Variants in PCDHGA7 observed in about 807,000 individuals in gnomAD.
The protein encoded by PCDHGA7 is protocadherin gamma subfamily A, 7, also known as protocadherin gamma-A7.
A neutral mutation model predicts 58.3 loss-of-function variants in PCDHGA7; 44 were observed. That is an observed-to-expected ratio of 0.75 (90% CI 0.59 to 0.97). The LOEUF is 0.97. Among genes scored for constraint, PCDHGA7 ranks in the 50% least tolerant of loss-of-function variants. PCDHGA7 has a pLI of 0.00. For missense variants in PCDHGA7, 1,266 were observed against 1,188.7 expected (o/e 1.06, Z -0.96); for synonymous variants, 516 against 504.2 (o/e 1.02, Z -0.31).
intron 1 of PCDHGA7, among the ~76,000 whole-genome samples, chr5:141,473,431 G>T (rs541546681): frequency 3.3e-5 from 5 of 152,148 alleles, no homozygotes; most frequent in Non-Finnish European, 7.3e-5. Flanking sequence ...CAGATACTTT[G>T]CTTATGCAAA....
chr5:141,475,343 G>A (rs1425482944), intron 1 of PCDHGA7, among the ~76,000 whole-genome samples: 1 of 152,178 alleles, frequency 6.6e-6, no homozygotes, highest in Non-Finnish European at 1.5e-5. Flanking sequence ...ATGACATCCA[G>A]TTTTAAAAGA....
rs1457765340 is a variant in PCDHGA7 at position 141,491,122 on chromosome 5, G to GT, written c.2425-3684dup. 1 of 1,614,058 alleles carries GT rather than the reference G, an allele frequency of 6.2e-7. No homozygotes were observed. Among genetic ancestry groups the GT allele is most frequent in the Non-Finnish European group, 8.5e-7 (1 of 1,180,036 alleles). Reference sequence around the variant, plus strand: ...CCTCGTGTCTACACACACTGGTGAGGTGCGCACAGCCCGGGCCTTACTGGA... The same window carrying GT: ...CCTCGTGTCTACACACACTGGTGAGGTTGCGCACAGCCCGGGCCTTACTGGA... On this transcript the variant is annotated intron_variant, in intron 1 of 3. Coordinates refer to ENST00000518325, the MANE Select transcript of PCDHGA7 (RefSeq NM_018920.4). The surrounding 1 kb of genome is among the most constrained non-coding windows in gnomAD (Gnocchi z 6.9).
At chr5:141,504,785 G>A (rs1439244687) in intron 2 of PCDHGA7, among the ~76,000 whole-genome samples, 1 of 151,964 alleles carries the variant, frequency 6.6e-6, no homozygotes, top group East Asian at 1.9e-4. Context: ...GTCTCTTGGG[G>A]CCTCCTACAT....
chr5:141,423,267 G>A (rs530404769), intron 1 of PCDHGA7: 1 of 1,613,710 alleles, frequency 6.2e-7, no homozygotes, highest in Non-Finnish European at 8.5e-7. Flanking sequence ...GCAGCCTCGA[G>A]TCTCTGGCTA....
rs569362520 is a variant in PCDHGA7 at position 141,415,063 on chromosome 5, G to T, written c.2424+29740G>T. ...CGCGGTGGGGGAGCACACGGGCGAG[G>T]TGCGCACGGCGCGAGCCCTGCTGGA... On this transcript the variant is annotated intron_variant, in intron 1 of 3. Coordinates refer to ENST00000518325, the MANE Select transcript of PCDHGA7 (RefSeq NM_018920.4). The T allele has an allele frequency of 3.1e-6, 5 of 1,613,432 alleles. No individual in the cohort carries two copies. The highest frequency in any genetic ancestry group is 3.3e-5 in the Admixed American group (2 of 60,008).
intron 1 of PCDHGA7, among the ~76,000 whole-genome samples, chr5:141,448,007 AC>A (rs1430481139): frequency 1.3e-5 from 2 of 151,784 alleles, no homozygotes; most frequent in Non-Finnish European, 2.9e-5. Context: ...AATCGCTTGA[AC>A]CCAGGAGGTG....
At position 141,404,862 on chromosome 5, in the gene PCDHGA7, C is replaced by T. The variant is rs377687399; in HGVS notation, c.2424+19539C>T. ...GCTCGGGCCCTGCTAGATAGAGATG[C>T]GCTCAAACAGAGCCTTGTGGTGGCT... On this transcript the variant is annotated intron_variant, in intron 1 of 3. Coordinates refer to ENST00000518325, the MANE Select transcript of PCDHGA7 (RefSeq NM_018920.4). The T allele has an allele frequency of 2.3e-5, 37 of 1,613,730 alleles. No individual in the cohort carries two copies. The African/African-American group carries it at 2.8e-4, about 12-fold the overall frequency.
At position 141,431,698 on chromosome 5, in the gene PCDHGA7, AT is replaced by A. The variant is rs2097408637; in HGVS notation, c.2424+46377del. ...GGGAGTTGGACCACGAGGAGTCAGG[AT>A]TCTACCAGATGGAAGTGCAAGCAAT... On this transcript the variant is annotated intron_variant, in intron 1 of 3. Coordinates refer to ENST00000518325, the MANE Select transcript of PCDHGA7 (RefSeq NM_018920.4). The surrounding 1 kb of genome is among the most constrained non-coding windows in gnomAD (Gnocchi z 4.8). 4.3e-6 allele frequency: 7 copies of A among 1,614,104 alleles called. 1 individual carries two copies. The South Asian group carries it at 7.7e-5, about 18-fold the overall frequency.
At position 141,432,394 on chromosome 5, in the gene PCDHGA7, C is replaced by G; in HGVS notation, c.2424+47071C>G. 1 of 1,614,260 alleles carries G rather than the reference C, an allele frequency of 6.2e-7. No individual in the cohort carries two copies. The highest frequency in any genetic ancestry group is 8.5e-7 in the Non-Finnish European group (1 of 1,180,050). On this transcript the variant is annotated intron_variant, in intron 1 of 3. Transcript: ENST00000518325. This position sits in a 1 kb window ranked among gnomAD's most constrained non-coding sequence, Gnocchi z 6.0. The stretch of plus-strand genomic sequence containing the variant: ...ACGGGCACCCGCCCCTCAGCAGCAA[C>G]GTGTCGTTGAGCCTGTTCGTGCTGG...
In PCDHGA7 at chr5:141,432,967, G is replaced by T; in HGVS notation, c.2424+47644G>T. ...CAGGAGGCGGCTTGACAGGAGCGCC[G>T]GCGTCGCACTTTGTGGGCGTGGACG... On this transcript the variant is annotated intron_variant, in intron 1 of 3. Coordinates refer to ENST00000518325, the MANE Select transcript of PCDHGA7 (RefSeq NM_018920.4). The surrounding 1 kb of genome is among the most constrained non-coding windows in gnomAD (Gnocchi z 6.0). 1 of 1,614,190 alleles carries T rather than the reference G, an allele frequency of 6.2e-7. No homozygotes were observed. The highest frequency in any genetic ancestry group is 2.2e-5 in the East Asian group (1 of 44,854).
Position 141,487,176 on chromosome 5 carries a change from A to G in PCDHGA7, c.2425-7631A>G. On this transcript the variant is annotated intron_variant, in intron 1 of 3. Coordinates refer to ENST00000518325, the MANE Select transcript of PCDHGA7 (RefSeq NM_018920.4). The surrounding 1 kb of genome is among the most constrained non-coding windows in gnomAD (Gnocchi z 5.0). ...ACTCTCTTAGTGTCCTTAGAGGAAGACACTCATCCAGTTGTCCCAGATCTT... is the reference window on the plus strand; with the variant it reads ...ACTCTCTTAGTGTCCTTAGAGGAAGGCACTCATCCAGTTGTCCCAGATCTT... 1 of 1,613,774 alleles carries G rather than the reference A, an allele frequency of 6.2e-7. No homozygotes were observed. The highest frequency in any genetic ancestry group is 8.5e-7 in the Non-Finnish European group (1 of 1,179,664).
At chr5:141,394,883 ACTCTAT>A in intron 1 of PCDHGA7, 1 of 1,611,724 alleles carries the variant, frequency 6.2e-7, no homozygotes, top group Non-Finnish European at 8.5e-7. Context: ...CGAGCCTTAC[ACTCTAT>A]CTCGTGGTGG....
rs770354956 is a variant in PCDHGA7, at chr5:141,399,731, C to T, written c.2424+14408C>T. Reference sequence around the variant, plus strand: ...ACACTACAGGCCCGCGACCAGGGCTCGCCTGCGCTCAGCGCAAACGTGAGC... The same window carrying T: ...ACACTACAGGCCCGCGACCAGGGCTTGCCTGCGCTCAGCGCAAACGTGAGC... On this transcript the variant is annotated intron_variant, in intron 1 of 3. Transcript: ENST00000518325. 229 of 1,613,292 alleles carry T rather than the reference C, an allele frequency of 1.4e-4. No homozygotes were observed. The highest frequency in any genetic ancestry group is 1.8e-4 in the Non-Finnish European group (217 of 1,179,878).
At chr5:141,478,016 G>A (rs1204231648) in intron 1 of PCDHGA7, 1 of 1,614,108 alleles carries the variant, frequency 6.2e-7, no homozygotes, top group Non-Finnish European at 8.5e-7. Context: ...TGCCCGTCCA[G>A]TCCAAGACAC....
chr5:141,436,035 A>G (rs957896521), intron 1 of PCDHGA7, among the ~76,000 whole-genome samples: 3 of 152,178 alleles, frequency 2.0e-5, no homozygotes, highest in Non-Finnish European at 4.4e-5. Flanking sequence ...CTAAATTTGT[A>G]TTTACATTAG....
At chr5:141,389,180 CA>C (rs2091638521) in intron 1 of PCDHGA7, 6 of 1,614,034 alleles carry the variant, frequency 3.7e-6, no homozygotes, top group Non-Finnish European at 5.1e-6. Context: ...CCCTCTCCTC[CA>C]GTTCCAGCAT....
intron 1 of PCDHGA7, among the ~76,000 whole-genome samples, chr5:141,448,117 A>G (rs564444141): frequency 6.6e-6 from 1 of 152,094 alleles, no homozygotes; most frequent in Non-Finnish European, 1.5e-5. Flanking sequence ...AAAGAAAATT[A>G]GCCTCCCCCA....
chr5:141,384,811 C>A lies in PCDHGA7; in HGVS notation c.1912C>A (p.Leu638Ile), dbSNP rs1273757599. The A allele has an allele frequency of 6.2e-7, 1 of 1,613,338 alleles. No individual in the cohort carries two copies. The highest frequency in any genetic ancestry group is 1.7e-5 in the Admixed American group (1 of 60,006). The change falls in exon 1 of 4, where the codon CTC becomes ATC. Residue 638 changes from leucine (L) to isoleucine (I), a missense_variant. Coordinates refer to ENST00000518325, the MANE Select transcript of PCDHGA7 (RefSeq NM_018920.4). Reference protein sequence around the residue: ...TARALLDRDALKQSLVVAVQD... With the variant: ...TARALLDRDAIKQSLVVAVQD... ...TCGGGCCCTGCTGGACAGAGATGCC[C>A]TCAAGCAGAGCCTCGTGGTGGCCGT...
Position 141,476,116 on chromosome 5 carries a change from G to C in PCDHGA7, c.2425-18691G>C, listed in dbSNP as rs367958555. On this transcript the variant is annotated intron_variant, in intron 1 of 3. Transcript: ENST00000518325. The surrounding 1 kb of genome is among the most constrained non-coding windows in gnomAD (Gnocchi z 7.6). ...GCTGAGAGGAACTGCTTTTGAGTGA[G>C]ATGGTCCCAGAGGCCTGGAGGAGCG... 504 of 1,593,954 alleles carry C rather than the reference G, an allele frequency of 3.2e-4. No individual in the cohort carries two copies. Among genetic ancestry groups the C allele is most frequent in the Non-Finnish European group, 4.1e-4 (479 of 1,172,292 alleles).
Sources: gnomAD v4.1 joint callset for allele counts (sites outside exome capture counted in the v4.1 genomes callset) on GRCh38, gnomAD v4.1.1 for gene constraint, Gnocchi (gnomAD v3.1) non-coding constraint, MANE v1.5 for transcripts, NCBI Gene and HGNC (gene_info 2026-07-23, HGNC 2026-07-21) for gene names.